Variants in PRKG1 observed in about 807,000 individuals in gnomAD.
PRKG1 encodes the protein protein kinase cGMP-dependent 1, also known as cGMP-dependent protein kinase 1.
PRKG1 carries 35 observed loss-of-function variants against 88.1 expected under a neutral mutation model. The ratio of observed to expected loss-of-function variants is 0.40; its 90% CI spans 0.30 to 0.53. The LOEUF (loss-of-function observed/expected upper bound fraction) is 0.53, where lower values mean the gene tolerates loss of function less well. PRKG1 is among the 20% of genes least tolerant of loss of function. The probability of loss-of-function intolerance (pLI) is 0.59; values close to 1 mark genes in which losing one functional copy is unlikely to be tolerated. For synonymous variants in PRKG1, 303 were observed against 292.5 expected (o/e 1.04, Z -0.37); for missense variants, 540 against 839.8 (o/e 0.64, Z 4.41).
At chr10:52,152,458 G>A (rs1278107155) in intron 8 of PRKG1, among the ~76,000 whole-genome samples, 1 of 152,092 alleles carries the variant, frequency 6.6e-6, no homozygotes, top group Non-Finnish European at 1.5e-5. Flanking sequence ...GATTTTGAGT[G>A]AAGGCTACTT....
chr10:52,098,553 G>A (rs1847225096), intron 7 of PRKG1, among the ~76,000 whole-genome samples: 1 of 152,220 alleles, frequency 6.6e-6, no homozygotes, highest in African/African-American at 2.4e-5. Context: ...GCTCACGCCT[G>A]TAATCCCAGC....
chr10:51,371,317 T>G (rs2132608784), intron 2 of PRKG1, among the ~76,000 whole-genome samples: 3 of 151,864 alleles, frequency 2.0e-5, no homozygotes, highest in Admixed American at 2.0e-4. Context: ...GGGGGAGGAT[T>G]GCTTGAGCCC....
chr10:51,440,238 C>A (rs1041394720), intron 2 of PRKG1, among the ~76,000 whole-genome samples: 3 of 151,600 alleles, frequency 2.0e-5, no homozygotes, highest in Admixed American at 1.3e-4. Context: ...AAAATATATA[C>A]CTTTATCTGG....
At chr10:51,464,630 G>A (rs952239005) in intron 2 of PRKG1, among the ~76,000 whole-genome samples, 6 of 151,880 alleles carry the variant, frequency 4.0e-5, no homozygotes, top group Non-Finnish European at 5.9e-5. Context: ...GGTGGCTCAC[G>A]CCTGTAATCC....
intron 2 of PRKG1, among the ~76,000 whole-genome samples, chr10:51,437,771 T>G (rs1838978640): frequency 6.6e-6 from 1 of 151,058 alleles, no homozygotes; most frequent in Admixed American, 6.6e-5. Flanking sequence ...GTGACCTGCC[T>G]CTTCACAGGA....
chr10:51,963,585 C>T (rs752661486), intron 5 of PRKG1, among the ~76,000 whole-genome samples: 6 of 152,014 alleles, frequency 3.9e-5, no homozygotes, highest in Non-Finnish European at 5.9e-5. Flanking sequence ...CTCAGCCACC[C>T]GAGTAGCTGG....
intron 5 of PRKG1, among the ~76,000 whole-genome samples, chr10:52,042,116 G>A (rs542626492): frequency 8.5e-5 from 13 of 152,168 alleles, no homozygotes; most frequent in Non-Finnish European, 1.3e-4. Flanking sequence ...AATTAATATT[G>A]TTATATTAAA....
intron 3 of PRKG1, among the ~76,000 whole-genome samples, chr10:51,598,166 G>T (rs1249026142): frequency 6.6e-6 from 1 of 152,024 alleles, no homozygotes; most frequent in Non-Finnish European, 1.5e-5. Flanking sequence ...CTCTCAAAGA[G>T]CTTACCCTTT....
chr10:51,965,492 T>C (rs1272171404), intron 5 of PRKG1, among the ~76,000 whole-genome samples: 2 of 152,234 alleles, frequency 1.3e-5, no homozygotes, highest in Non-Finnish European at 2.9e-5. Flanking sequence ...AACTATCTTG[T>C]TTTCTGGGAA....
upstream of PRKG1, among the ~76,000 whole-genome samples, chr10:51,073,727 C>T (rs1029795732): frequency 6.6e-6 from 1 of 152,152 alleles, no homozygotes. Flanking sequence ...GAAACCCCAC[C>T]CCCTACCCCA....
intron 9 of PRKG1, among the ~76,000 whole-genome samples, chr10:52,219,964 TGAAC>T (rs1840201826): frequency 6.6e-6 from 1 of 151,870 alleles, no homozygotes; most frequent in African/African-American, 2.4e-5. Flanking sequence ...GAGGTTTCTG[TGAAC>T]ATCATATTTG....
At chr10:51,886,369 T>C (rs1841569124) in intron 4 of PRKG1, among the ~76,000 whole-genome samples, 1 of 152,232 alleles carries the variant, frequency 6.6e-6, no homozygotes, top group South Asian at 2.1e-4. Flanking sequence ...ATGTAAGCCA[T>C]TTAAAGATAT....
intron 3 of PRKG1, among the ~76,000 whole-genome samples, chr10:51,602,976 G>A (rs951207018): frequency 1.3e-5 from 2 of 151,692 alleles, no homozygotes; most frequent in Non-Finnish European, 2.9e-5. Context: ...TATTTTTTCT[G>A]AGATGGAGTC....
At chr10:51,964,921 T>C (rs1843531466) in intron 5 of PRKG1, among the ~76,000 whole-genome samples, 1 of 152,108 alleles carries the variant, frequency 6.6e-6, no homozygotes, top group South Asian at 2.1e-4. Context: ...TTAAAATCAG[T>C]TGGAAACGTT....
chr10:51,456,732 A>G (rs116954987), intron 2 of PRKG1, among the ~76,000 whole-genome samples: 183 of 152,332 alleles, frequency 1.2e-3, no homozygotes, highest in Middle Eastern at 0.01. Context: ...AGGAATTCAA[A>G]CCAGCAAGTA....
intron 10 of PRKG1, among the ~76,000 whole-genome samples, chr10:52,265,981 G>A (rs74886501): frequency 0.026 from 4,006 of 151,878 alleles, 285 homozygotes; most frequent in East Asian, 0.23. Flanking sequence ...AAATTTTCTT[G>A]TTCATTTTCC....
intron 2 of PRKG1, among the ~76,000 whole-genome samples, chr10:51,467,488 CTTG>C (rs913161497): frequency 2.1e-4 from 32 of 151,930 alleles, no homozygotes; most frequent in African/African-American, 6.5e-4. Flanking sequence ...TCTATATTTT[CTTG>C]TTGTTTCTTT....
chr10:51,775,875 C>A (rs532638779), intron 3 of PRKG1, among the ~76,000 whole-genome samples: 1 of 152,066 alleles, frequency 6.6e-6, no homozygotes, highest in African/African-American at 2.4e-5. Flanking sequence ...TGAGCCACTG[C>A]GCCAGCCTGA....
chr10:51,778,739 T>C (rs867530909), intron 3 of PRKG1, among the ~76,000 whole-genome samples: 2 of 152,152 alleles, frequency 1.3e-5, no homozygotes, highest in Non-Finnish European at 2.9e-5. Flanking sequence ...ATATGATATT[T>C]ACCTGTGGGA....
Sources: allele counts gnomAD v4.1 joint callset (sites outside exome capture counted in the v4.1 genomes callset), GRCh38; gene constraint gnomAD v4.1.1; transcripts MANE v1.5; gene names NCBI Gene and HGNC (gene_info 2026-07-23, HGNC 2026-07-21).